The following CFAP74 variants were observed in gnomAD, a reference collection of about 807,000 sequenced individuals.
CFAP74 encodes the protein cilia and flagella associated protein 74.
A neutral mutation model predicts 188.9 loss-of-function variants in CFAP74; 124 were observed. That is an observed-to-expected ratio of 0.66 (90% CI 0.57 to 0.76). CFAP74 has a LOEUF of 0.76. Among genes scored for constraint, CFAP74 ranks in the 30% least tolerant of loss-of-function variants. CFAP74 has a pLI of 0.00. For missense variants in CFAP74, 2,198 were observed against 2,165.2 expected, an observed-to-expected ratio of 1.02 and a Z score of -0.30; for synonymous variants, 956 against 916.7, an observed-to-expected ratio of 1.04 and a Z score of -0.77.
chr1:1,948,073 A>G (rs1490369985), intron 18 of CFAP74, among the ~76,000 whole-genome samples: 4 of 151,936 alleles, frequency 2.6e-5, no homozygotes, highest in South Asian at 2.1e-4. Flanking sequence ...GGGTTTCACC[A>G]TATCGGCCAG....
At chr1:1,982,141 G>A (rs376314887) in intron 6 of CFAP74, among the ~76,000 whole-genome samples, 1,561 of 75,428 alleles carry the variant, frequency 0.021, 170 homozygotes, top group Non-Finnish European at 0.03. Flanking sequence ...ACCCAGCCAC[G>A]GACAGACACG....
rs559300661 is a variant in CFAP74 at position 1,937,907 on chromosome 1, C to T, written c.3011+948G>A. On this transcript the variant is annotated intron_variant, in intron 25 of 38. Coordinates refer to ENST00000682832, the MANE Select transcript of CFAP74 (RefSeq NM_001304360.2). ...CCAGAGGGGTGCCCTGCACAGCATG[C>T]GTGTATACACACATGCACACACACA... Among the ~76,000 whole-genome samples, 7 of 148,114 alleles carry T rather than the reference C, an allele frequency of 4.7e-5. No homozygotes were observed. The South Asian group carries it at 6.5e-4, about 14-fold the overall frequency.
At chr1:1,926,575 G>T (rs1359328523) in intron 30 of CFAP74, 63 bp from the exon 31 acceptor site, 1 of 1,547,682 alleles carries the variant, frequency 6.5e-7, no homozygotes, top group Admixed American at 2.0e-5. Flanking sequence ...TCTGCCAGGG[G>T]TGGGCCGTGG....
chr1:1,950,139 G>A (rs28840971), intron 18 of CFAP74, among the ~76,000 whole-genome samples: 3,397 of 152,100 alleles, frequency 0.022, 108 homozygotes, highest in African/African-American at 0.071. Flanking sequence ...GCTCCTCACC[G>A]GCACTTGCTA....
intron 9 of CFAP74, among the ~76,000 whole-genome samples, chr1:1,971,373 T>G (rs938172457): frequency 7.1e-6 from 1 of 141,772 alleles, no homozygotes; most frequent in Non-Finnish European, 1.5e-5. Context: ...ACACACACGG[T>G]CACACATGCA....
Position 1,970,793 on chromosome 1 carries a change from T to C in CFAP74, c.912A>G (p.Ala304=), listed in dbSNP as rs1003206955. 3.7e-6 allele frequency: 6 copies of C among 1,614,030 alleles called. No homozygotes were observed. The highest frequency in any genetic ancestry group is 3.3e-5 in the Admixed American group (2 of 60,004). ...ANRDTLRKFQ[A]WDRAKAELAE... ...CCAGCTCTGCCTTGGCACGGTCCCA[T>C]GCTTGGAACTTCCGCAGTGTGTCCT... The change falls in exon 10 of 39, where the codon GCA becomes GCG. Residue 304 remains alanine (A), a synonymous_variant. Transcript: ENST00000682832.
intron 26 of CFAP74, among the ~76,000 whole-genome samples, chr1:1,929,295 C>A (rs949317201): frequency 1.8e-5 from 1 of 56,184 alleles, no homozygotes; most frequent in African/African-American, 6.7e-5. Flanking sequence ...AATGGCTTCC[C>A]ACAGAAGGGT....
At chr1:1,967,965 ATGAG>A (rs1234315301) in intron 11 of CFAP74, among the ~76,000 whole-genome samples, 3 of 146,970 alleles carry the variant, frequency 2.0e-5, no homozygotes, top group East Asian at 2.0e-4. Flanking sequence ...GAGTGAGTGA[ATGAG>A]TGAATGAGTA....
At chr1:1,985,227 C>G (rs1371564772) in intron 6 of CFAP74, 159 bp downstream of exon 6, 1 of 597,970 alleles carries the variant, frequency 1.7e-6, no homozygotes, top group Admixed American at 2.8e-5. Context: ...GAAGACTAAC[C>G]CTTCCAACCA....
chr1:1,926,175 G>A, intron 32 of CFAP74, 53 bp downstream of exon 32: 1 of 1,465,670 alleles, frequency 6.8e-7, no homozygotes, highest in Non-Finnish European at 9.0e-7. Flanking sequence ...CCTTTGTTCT[G>A]CAGTGTGGGG....
chr1:1,937,577 C>T (rs962998004), intron 25 of CFAP74, among the ~76,000 whole-genome samples: 4 of 152,196 alleles, frequency 2.6e-5, no homozygotes, highest in Non-Finnish European at 5.9e-5. Context: ...AACCTCAACT[C>T]GGCTCACATC....
chr1:1,972,903 G>T (rs773507302), intron 8 of CFAP74, 34 bp downstream of exon 8: 8 of 1,368,380 alleles, frequency 5.8e-6, no homozygotes, highest in Non-Finnish European at 8.4e-6. Context: ...GTATTCTTGG[G>T]TTTCTCCTTA....
rs745630 is a variant in CFAP74 at position 1,923,278 on chromosome 1, C to T, written c.4522+89G>A. ...TGGGGTAGAAGGCTGGGAATCCCTG[C>T]CCTGCTCCGCTGGGTCTCGGGGCCC... On this transcript the variant is annotated intron_variant, in intron 36 of 38. Coordinates refer to ENST00000682832, the MANE Select transcript of CFAP74 (RefSeq NM_001304360.2). The surrounding 1 kb of genome is among the most constrained non-coding windows in gnomAD (Gnocchi z 6.3). The T allele has an allele frequency of 0.077, 115,113 of 1,499,568 alleles. 10,924 individuals carry two copies. The highest frequency in any genetic ancestry group is 0.4 in the African/African-American group (28,325 of 71,304). The allele number at this position is 1,499,568 out of a possible 1,614,324, so 92.9% of individuals were successfully genotyped here. A position where few individuals can be genotyped will look rare whatever the true frequency, so the allele number is the denominator to read the frequency against.
chr1:1,954,947 G>A (rs1178996044), intron 18 of CFAP74: 6 of 1,195,228 alleles, frequency 5.0e-6, no homozygotes, highest in African/African-American at 1.6e-5. Flanking sequence ...TCCCAAGTGT[G>A]CACTGGCAGA....
In CFAP74 at chr1:1,925,925, A is replaced by C. The variant is rs757862724; in HGVS notation, c.3962T>G (p.Leu1321Arg). Residue 1321 changes from leucine (L) to arginine (R), a missense_variant, in exon 33 of 39, where the codon CTG (leucine) becomes CGG (arginine). By Grantham distance (102) the Leu-to-Arg change is moderately radical (BLOSUM62 -2). Transcript: ENST00000682832. ...PHESILAQET[L>R]DIITKRGTLT... ...CGTGCCTCTCTTGGTGATGATGTCC[A>C]GTGTTTCTTGAGCCTAAAGAGACCA... 1 of 1,609,500 alleles carries C rather than the reference A, an allele frequency of 6.2e-7. No homozygotes were observed. The highest frequency in any genetic ancestry group is 2.2e-5 in the East Asian group (1 of 44,798).
chr1:1,939,754 C>G lies in CFAP74; in HGVS notation c.2717G>C (p.Gly906Ala). 2 of 1,536,002 alleles carry G rather than the reference C, an allele frequency of 1.3e-6. No individual in the cohort carries two copies. Among genetic ancestry groups the G allele is most frequent in the Non-Finnish European group, 1.7e-6 (2 of 1,146,790 alleles). ...IWVADQNKPVGFTVHAIVTTS... is the reference protein window; with the variant it reads ...IWVADQNKPVAFTVHAIVTTS... Reference sequence around the variant, plus strand: ...GGTGACAATGGCATGCACGGTGAATCCCACTGGCTTGTTCTGAGACATAAA... The same window carrying G: ...GGTGACAATGGCATGCACGGTGAATGCCACTGGCTTGTTCTGAGACATAAA... Residue 906 changes from glycine to alanine, a missense_variant, in exon 24 of 39, where the codon GGA becomes GCA. By Grantham distance (60) the Gly-to-Ala change is moderately conservative. Coordinates refer to ENST00000682832, the MANE Select transcript of CFAP74 (RefSeq NM_001304360.2).
At chr1:1,937,600 G>A (rs1162755213) in intron 25 of CFAP74, among the ~76,000 whole-genome samples, 1 of 152,114 alleles carries the variant, frequency 6.6e-6, no homozygotes, top group Admixed American at 6.5e-5. Context: ...AAACAAAAGC[G>A]ACCAAAACGG....
Position 1,974,012 on chromosome 1 carries a change from G to T in CFAP74, c.674+13C>A, listed in dbSNP as rs890951210. On this transcript the variant is annotated intron_variant, in intron 7 of 38. Transcript: ENST00000682832. Reference sequence around the variant, plus strand: ...GCTGGGAAGGGATGGAGGTGGGCCTGGGTGTCGCCTACCTGATCCTCAGCA... The same window carrying T: ...GCTGGGAAGGGATGGAGGTGGGCCTTGGTGTCGCCTACCTGATCCTCAGCA... 13 of 1,543,550 alleles carry T rather than the reference G, an allele frequency of 8.4e-6. No homozygotes were observed. Among genetic ancestry groups the T allele is most frequent in the Non-Finnish European group, 1.1e-5 (13 of 1,139,820 alleles).
chr1:1,982,299 G>A (rs1240181957), intron 6 of CFAP74, among the ~76,000 whole-genome samples: 4 of 132,192 alleles, frequency 3.0e-5, no homozygotes, highest in East Asian at 2.4e-4. Flanking sequence ...GCGGGGACAC[G>A]CAGGACACCC....
Sources: allele counts gnomAD v4.1 joint callset (sites outside exome capture counted in the v4.1 genomes callset), GRCh38; gene constraint gnomAD v4.1.1; non-coding constraint Gnocchi (gnomAD v3.1); transcripts MANE v1.5; gene names NCBI Gene and HGNC (gene_info 2026-07-23, HGNC 2026-07-21).